EMCN: variants seen among roughly 807,000 people sequenced by gnomAD.
EMCN encodes endomucin.
Under a neutral mutation model 38.4 loss-of-function variants are expected in EMCN, and 37 were observed. That is an observed-to-expected ratio of 0.96 (90% CI 0.74 to 1.27). The LOEUF is 1.27. Ranked by LOEUF, EMCN falls within the 50% of genes most tolerant of loss-of-function variation. The pLI is 0.00. For missense variants in EMCN, 318 were observed against 302.8 expected (o/e 1.05, Z -0.37); for synonymous variants, 95 against 100.8 (o/e 0.94, Z 0.35).
intron 5 of EMCN, among the ~76,000 whole-genome samples, chr4:100,441,430 T>C (rs1338907243): frequency 6.6e-6 from 1 of 152,224 alleles, no homozygotes; most frequent in Non-Finnish European, 1.5e-5. Context: ...AGGCAGCATA[T>C]AGTTGGATCT....
intron 2 of EMCN, among the ~76,000 whole-genome samples, chr4:100,475,770 T>C (rs917350297): frequency 5.5e-5 from 8 of 144,828 alleles, no homozygotes; most frequent in Admixed American, 2.9e-4. Flanking sequence ...CTCTGCCTCC[T>C]GGGTTCACGC....
At chr4:100,435,758 A>T (rs771136424) in intron 5 of EMCN, among the ~76,000 whole-genome samples, 25 of 152,296 alleles carry the variant, frequency 1.6e-4, no homozygotes, top group Non-Finnish European at 3.1e-4. Context: ...AACAACCCTG[A>T]CAAAAACAAG....
At chr4:100,412,167 C>G (rs554576939) in intron 10 of EMCN, among the ~76,000 whole-genome samples, 1 of 152,038 alleles carries the variant, frequency 6.6e-6, no homozygotes, top group Non-Finnish European at 1.5e-5. Context: ...GAGAGAGAGA[C>G]AGTCAGGGGA....
In EMCN at chr4:100,435,225, C is replaced by A. The variant is rs1727316761; in HGVS notation, c.416-11821G>T. On this transcript the variant is annotated intron_variant, in intron 5 of 11. Coordinates refer to ENST00000296420, the MANE Select transcript of EMCN (RefSeq NM_016242.4). Reference sequence around the variant, plus strand: ...CAAAAATCACTAGCATTCCTATACACCAACAGCATGCAAGCATAGAGCCAA... The same window carrying A: ...CAAAAATCACTAGCATTCCTATACAACAACAGCATGCAAGCATAGAGCCAA... Among the ~76,000 whole-genome samples the A allele has an allele frequency of 2.0e-5, 3 of 152,130 alleles. No homozygotes were observed. In the South Asian group the frequency reaches 6.2e-4, roughly 32 times the overall value.
Position 100,425,957 on chromosome 4 carries a change from G to C in EMCN, c.416-2553C>G, listed in dbSNP as rs1727033534. 2.0e-5 allele frequency among the ~76,000 whole-genome samples: 3 copies of C among 152,044 alleles called. No individual in the cohort carries two copies. The South Asian group carries it at 6.2e-4, about 32-fold the overall frequency. On this transcript the variant is annotated intron_variant, in intron 5 of 11. Transcript: ENST00000296420. The stretch of plus-strand genomic sequence containing the variant: ...TGAATTTGTGGCTAGGTTGTTTCAG[G>C]ATTTAAGTCCAGCCTGGAAACTTCA...
chr4:100,456,802 T>G (rs139268304), intron 4 of EMCN, among the ~76,000 whole-genome samples: 193 of 152,276 alleles, frequency 1.3e-3, no homozygotes, highest in African/African-American at 4.2e-3. Context: ...GATAGTTCAC[T>G]TTCTGTAGTT....
intron 5 of EMCN, among the ~76,000 whole-genome samples, chr4:100,441,151 T>C (rs1578196572): frequency 6.6e-6 from 1 of 152,292 alleles, no homozygotes. Flanking sequence ...TATTTCTCCT[T>C]TCATGTCCAT....
chr4:100,448,163 T>C (rs187521135), intron 4 of EMCN, among the ~76,000 whole-genome samples: 13 of 152,214 alleles, frequency 8.5e-5, no homozygotes, highest in African/African-American at 3.1e-4. Flanking sequence ...TATTTTATGA[T>C]ATAGTCCAGG....
At chr4:100,402,863 T>C (rs564519697) in intron 11 of EMCN, among the ~76,000 whole-genome samples, 7 of 152,210 alleles carry the variant, frequency 4.6e-5, no homozygotes, top group African/African-American at 1.7e-4. Flanking sequence ...TTTTTCCAAG[T>C]TGGACAATTA....
At chr4:100,470,897 G>A (rs10856954) in intron 3 of EMCN, among the ~76,000 whole-genome samples, 59,162 of 151,746 alleles carry the variant, frequency 0.39, 12,371 homozygotes, top group East Asian at 0.78. Flanking sequence ...AAAATACTTT[G>A]CAGTAAATGA....
At chr4:100,456,172 G>C (rs1323988356) in intron 4 of EMCN, among the ~76,000 whole-genome samples, 1 of 151,674 alleles carries the variant, frequency 6.6e-6, no homozygotes, top group Admixed American at 6.6e-5. Context: ...AGGCCCCTGG[G>C]GTGTCCCACA....
chr4:100,459,986 TG>T (rs1401475400), intron 4 of EMCN, among the ~76,000 whole-genome samples: 1 of 152,176 alleles, frequency 6.6e-6, no homozygotes, highest in Non-Finnish European at 1.5e-5. Context: ...ATTTTAATTT[TG>T]GGGGAATATC....
At position 100,465,146 on chromosome 4, in the gene EMCN, A is replaced by AT. The variant is rs1021321452; in HGVS notation, c.376+276dup. ...TTTTTCATTTCATCTAAGTTGTCTA[A>AT]TTTTTTGGCTGAGCTCTCCTTTTAG... On this transcript the variant is annotated intron_variant, in intron 4 of 11. Coordinates refer to ENST00000296420, the MANE Select transcript of EMCN (RefSeq NM_016242.4). 5.0e-4 allele frequency among the ~76,000 whole-genome samples: 76 copies of AT among 152,020 alleles called. 2 individuals are homozygous for AT. Among genetic ancestry groups the AT allele is most frequent in the Non-Finnish European group, 2.2e-4 (15 of 67,912 alleles).
At position 100,397,616 on chromosome 4, in the gene EMCN, A is replaced by C. The variant is rs1726151067; in HGVS notation, c.*797T>G. The C allele has an allele frequency of 6.6e-6, 1 of 152,284 alleles. No homozygotes were observed. Among genetic ancestry groups the C allele is most frequent in the East Asian group, 1.9e-4 (1 of 5,174 alleles). The allele number at this position is 152,284 out of a possible 1,614,324, so 9.4% of individuals were successfully genotyped here. A position where few individuals can be genotyped will look rare whatever the true frequency, so the allele number is the denominator to read the frequency against. On this transcript the variant is annotated 3_prime_UTR_variant, in exon 12 of 12. Transcript: ENST00000296420. ...TAAATGCCCTTGCACTTACATCTTCATCACATAGTATGAATGACAAATAGA... is the reference window on the plus strand; with the variant it reads ...TAAATGCCCTTGCACTTACATCTTCCTCACATAGTATGAATGACAAATAGA...
At chr4:100,420,021 TA>T (rs1256497138) in intron 8 of EMCN, among the ~76,000 whole-genome samples, 13 of 152,156 alleles carry the variant, frequency 8.5e-5, no homozygotes, top group Admixed American at 5.9e-4. Context: ...AATTGCTTTT[TA>T]CCTTCTAACA....
chr4:100,456,769 A>C (rs1472529833), intron 4 of EMCN, among the ~76,000 whole-genome samples: 1 of 152,158 alleles, frequency 6.6e-6, no homozygotes, highest in Admixed American at 6.5e-5. Flanking sequence ...TCTACCTGAA[A>C]ATAGTTCACT....
chr4:100,449,599 C>A (rs911985465), intron 4 of EMCN, among the ~76,000 whole-genome samples: 1 of 152,188 alleles, frequency 6.6e-6, no homozygotes, highest in Admixed American at 6.6e-5. Context: ...AAATCAAAAT[C>A]CTTGTTCCTC....
intron 1 of EMCN, among the ~76,000 whole-genome samples, chr4:100,497,627 C>G (rs757244826): frequency 6.6e-6 from 1 of 152,166 alleles, no homozygotes; most frequent in African/African-American, 2.4e-5. Flanking sequence ...CCGCCTGCCT[C>G]AGCCTCCCAA....
In EMCN at chr4:100,488,747, A is replaced by G. The variant is rs146394819; in HGVS notation, c.65-8708T>C. Reference sequence around the variant, plus strand: ...CTGAGTCTGAGATGTCTTGCTTTTCATATTATCTACTCTTATTTTTCTTTT... The same window carrying G: ...CTGAGTCTGAGATGTCTTGCTTTTCGTATTATCTACTCTTATTTTTCTTTT... On this transcript the variant is annotated intron_variant, in intron 1 of 11. Coordinates refer to ENST00000296420, the MANE Select transcript of EMCN (RefSeq NM_016242.4). Among the ~76,000 whole-genome samples the G allele has an allele frequency of 5.0e-3, 760 of 152,298 alleles. 5 individuals carry two copies. Among genetic ancestry groups the G allele is most frequent in the Non-Finnish European group, 8.3e-3 (563 of 68,006 alleles).
Sources: allele counts gnomAD v4.1 joint callset (sites outside exome capture counted in the v4.1 genomes callset), GRCh38; gene constraint gnomAD v4.1.1; transcripts MANE v1.5; gene names NCBI Gene and HGNC (gene_info 2026-07-23, HGNC 2026-07-21).